Variants in RAP2A observed in about 807,000 individuals in gnomAD.
RAP2A encodes the protein ras-related protein Rap-2a.
In RAP2A, 5 loss-of-function variants were observed where a neutral mutation model predicts 15.1. The observed-to-expected ratio is 0.33, with a 90% confidence interval of 0.17 to 0.70. The LOEUF is 0.70. Among genes scored for constraint, RAP2A ranks in the 30% least tolerant of loss-of-function variants. The pLI is 0.68. For synonymous variants in RAP2A, 110 were observed against 99.7 expected, an observed-to-expected ratio of 1.10 and a Z score of -0.62; for missense variants, 111 against 240.3, an observed-to-expected ratio of 0.46 and a Z score of 3.56.
intron 1 of RAP2A, among the ~76,000 whole-genome samples, chr13:97,443,842 T>C (rs868082570): frequency 4.6e-5 from 7 of 152,246 alleles, no homozygotes; most frequent in East Asian, 1.9e-4. Context: ...CCAGCACTTA[T>C]TAGTTATGTA....
At chr13:97,447,292 A>T (rs779415930) in intron 1 of RAP2A, among the ~76,000 whole-genome samples, 1 of 152,206 alleles carries the variant, frequency 6.6e-6, no homozygotes, top group Non-Finnish European at 1.5e-5. Flanking sequence ...AAATGTATGT[A>T]TGTGCCCTTT....
rs2066622995 is a variant in RAP2A at position 97,434,340 on chromosome 13, C to A, written c.-131C>A. 1 of 742,958 alleles carries A rather than the reference C, an allele frequency of 1.3e-6. No individual in the cohort carries two copies. The highest frequency in any genetic ancestry group is 1.6e-6 in the Non-Finnish European group (1 of 611,868). 46.0% of individuals were successfully genotyped at this position (742,958 alleles called of 1,614,324 possible). On this transcript the variant is annotated 5_prime_UTR_variant, in exon 1 of 2. Coordinates refer to ENST00000245304, the MANE Select transcript of RAP2A (RefSeq NM_021033.7). ...GCCGCCGCCGGCGCCCAGGGGGCCGCCGCGGCTGTGAGGTGGGGGCGGCAG... is the reference window on the plus strand; with the variant it reads ...GCCGCCGCCGGCGCCCAGGGGGCCGACGCGGCTGTGAGGTGGGGGCGGCAG...
At chr13:97,445,710 C>A (rs140565019) in intron 1 of RAP2A, among the ~76,000 whole-genome samples, 1 of 152,044 alleles carries the variant, frequency 6.6e-6, no homozygotes, top group African/African-American at 2.4e-5. Context: ...GAGAGTCCCC[C>A]AGCTGTGTGT....
intron 1 of RAP2A, among the ~76,000 whole-genome samples, chr13:97,447,585 C>T (rs75177904): frequency 0.01 from 1,596 of 152,254 alleles, 12 homozygotes; most frequent in South Asian, 0.028. Flanking sequence ...TGCATCAAAT[C>T]AATTTAAGCA....
At position 97,443,552 on chromosome 13, in the gene RAP2A, G is replaced by T. The variant is rs1195250618; in HGVS notation, c.314+8768G>T. Among the ~76,000 whole-genome samples, 3 of 152,058 alleles carry T rather than the reference G, an allele frequency of 2.0e-5. No individual in the cohort carries two copies. The East Asian group carries it at 5.8e-4, about 29-fold the overall frequency. ...ACAGAGCAGGCACCACCGCATCCAA[G>T]TAATTCTTTAAAAATTTTTTCTAGA... is the stretch of plus-strand genomic sequence containing the variant. On this transcript the variant is annotated intron_variant, in intron 1 of 1. Transcript: ENST00000245304.
At position 97,436,069 on chromosome 13, in the gene RAP2A, C is replaced by T. The variant is rs2066633031; in HGVS notation, c.314+1285C>T. The T allele has an allele frequency of 3.9e-5, 6 of 152,210 alleles. 1 individual carries two copies. In the South Asian group the frequency reaches 1.2e-3, roughly 31 times the overall value. The allele number at this position is 152,210 out of a possible 1,614,324, so 9.4% of individuals were successfully genotyped here. ...CTCTCTCTCTATTGCTCCACCCCCC[C>T]TTAACTGAGTATGCACTTTAATCGC... On this transcript the variant is annotated intron_variant, in intron 1 of 1. Transcript: ENST00000245304.
chr13:97,439,100 A>G (rs949959871), intron 1 of RAP2A, among the ~76,000 whole-genome samples: 2 of 152,146 alleles, frequency 1.3e-5, no homozygotes, highest in African/African-American at 4.8e-5. Flanking sequence ...AATGCATAGA[A>G]TATGTTTTTT....
chr13:97,441,400 A>G (rs1431039871), intron 1 of RAP2A, among the ~76,000 whole-genome samples: 1 of 152,210 alleles, frequency 6.6e-6, no homozygotes, highest in East Asian at 1.9e-4. Flanking sequence ...GGAAGAGCCA[A>G]CAAAGTTGGA....
rs1175510278 is a variant in RAP2A, at chr13:97,465,238, G to A, written c.*796G>A. On this transcript the variant is annotated 3_prime_UTR_variant, in exon 2 of 2. Coordinates refer to ENST00000245304, the MANE Select transcript of RAP2A (RefSeq NM_021033.7). ...TCTTTATAACTTTACTGAACAAGAG[G>A]GAAGCAACTGTGATGGGAAGAGATT... The A allele has an allele frequency of 6.6e-6, 1 of 152,528 alleles. No homozygotes were observed. The highest frequency in any genetic ancestry group is 2.4e-5 in the African/African-American group (1 of 41,428). The allele number at this position is 152,528 out of a possible 1,614,324, so 9.4% of individuals were successfully genotyped here.
intron 1 of RAP2A, among the ~76,000 whole-genome samples, chr13:97,455,696 T>C (rs1338790855): frequency 6.6e-6 from 1 of 151,502 alleles, no homozygotes; most frequent in Non-Finnish European, 1.5e-5. Flanking sequence ...TTCAGTTCTT[T>C]AACCTTTGTT....
At chr13:97,438,647 CCCCTTTCCT>C (rs2066644090) in intron 1 of RAP2A, among the ~76,000 whole-genome samples, 1 of 152,082 alleles carries the variant, frequency 6.6e-6, no homozygotes, top group African/African-American at 2.4e-5. Flanking sequence ...ACCAAAGTAA[CCCCTTTCCT>C]GTCTTCCCTT....
chr13:97,444,363 CTT>C (rs531192997), intron 1 of RAP2A, among the ~76,000 whole-genome samples: 27 of 152,220 alleles, frequency 1.8e-4, no homozygotes, highest in Non-Finnish European at 7.4e-5. Context: ...TAACACTTCT[CTT>C]TTTAAAAAAG....
chr13:97,455,485 C>T (rs1360556965), intron 1 of RAP2A, among the ~76,000 whole-genome samples: 1 of 151,256 alleles, frequency 6.6e-6, no homozygotes, highest in African/African-American at 2.4e-5. Context: ...TCTCTGGGGC[C>T]CTGTTACAGT....
intron 1 of RAP2A, among the ~76,000 whole-genome samples, chr13:97,462,032 TTATATATATTTA>T (rs533390943): frequency 0.042 from 5,899 of 141,478 alleles, 148 homozygotes; most frequent in South Asian, 0.076. Flanking sequence ...ATTTATATAT[TTATATATATTTA>T]TATATATATT....
At position 97,464,460 on chromosome 13, in the gene RAP2A, C is replaced by T. The variant is rs750740300; in HGVS notation, c.*18C>T. 25 of 1,608,816 alleles carry T rather than the reference C, an allele frequency of 1.6e-5. No homozygotes were observed. The South Asian group carries it at 2.7e-4, about 18-fold the overall frequency. On this transcript the variant is annotated 3_prime_UTR_variant, in exon 2 of 2. Transcript: ENST00000245304. The stretch of plus-strand genomic sequence containing the variant: ...TACAATAGCATCCAAATATGGCTGT[C>T]CTGGATGGGATTTGCCCAATGTCGT...
In RAP2A at chr13:97,460,518, C is replaced by CT. The variant is rs1239289318; in HGVS notation, c.315-3677dup. ...ACAGGAGTCCTAGTCTGTTTGGTTT[C>CT]TTTTTTTTTTAAACCCACCATATTG... is the stretch of plus-strand genomic sequence containing the variant. On this transcript the variant is annotated intron_variant, in intron 1 of 1. Coordinates refer to ENST00000245304, the MANE Select transcript of RAP2A (RefSeq NM_021033.7). 1.3e-4 allele frequency among the ~76,000 whole-genome samples: 20 copies of CT among 149,374 alleles called. 1 individual carries two copies. The highest frequency in any genetic ancestry group is 3.2e-4 in the African/African-American group (13 of 40,816).
Position 97,434,502 on chromosome 13 carries a change from C to T in RAP2A, c.32C>T (p.Ser11Leu), listed in dbSNP as rs765095473. The change falls in exon 1 of 2, where the codon TCG (serine) becomes TTG (leucine). Residue 11 changes from serine to leucine, a missense_variant. Physicochemically the swap from Ser to Leu is moderately radical, Grantham distance 145. Transcript: ENST00000245304. ...GAGTACAAAGTGGTGGTGCTGGGCT[C>T]GGGCGGGGTAGGCAAATCCGCCCTG... MREYKVVVLG[S>L]GGVGKSALTV... The T allele has an allele frequency of 1.9e-6, 3 of 1,611,958 alleles. No individual in the cohort carries two copies. Among genetic ancestry groups the T allele is most frequent in the East Asian group, 2.2e-5 (1 of 44,804 alleles).
At chr13:97,449,835 G>A (rs1263563564) in intron 1 of RAP2A, among the ~76,000 whole-genome samples, 1 of 152,040 alleles carries the variant, frequency 6.6e-6, no homozygotes, top group Non-Finnish European at 1.5e-5. Context: ...GTTACAACAA[G>A]CCATGAATAA....
At chr13:97,449,767 G>A (rs992846580) in intron 1 of RAP2A, among the ~76,000 whole-genome samples, 2 of 151,788 alleles carry the variant, frequency 1.3e-5, no homozygotes, top group African/African-American at 4.8e-5. Context: ...CCTGGTTCAA[G>A]TGAAAAGACC....
Sources: gnomAD v4.1 joint callset for allele counts (sites outside exome capture counted in the v4.1 genomes callset) on GRCh38, gnomAD v4.1.1 for gene constraint, MANE v1.5 for transcripts, NCBI Gene and HGNC (gene_info 2026-07-23, HGNC 2026-07-21) for gene names.